FUT8: variants seen among roughly 807,000 people sequenced by gnomAD.
FUT8 encodes the protein fucosyltransferase 8.
A neutral mutation model predicts 71.3 loss-of-function variants in FUT8; 29 were observed. That is an observed-to-expected ratio of 0.41 (90% CI 0.30 to 0.55). The LOEUF is 0.55. Among genes scored for constraint, FUT8 ranks in the 20% least tolerant of loss-of-function variants. FUT8 has a pLI of 0.34. For synonymous variants in FUT8, 254 were observed against 239.3 expected (o/e 1.06, Z -0.57); for missense variants, 544 against 702.1 (o/e 0.77, Z 2.55).
At chr14:65,385,922 C>T in the FUT8 span, among the ~76,000 whole-genome samples, 6 of 151,746 alleles carry the variant, frequency 4.0e-5, no homozygotes, top group Non-Finnish European at 8.8e-5. Context: ...GAGGCCGAGG[C>T]GGGTAGATCA....
At chr14:65,471,483 G>A (rs2066145905) in intron 2 of FUT8, among the ~76,000 whole-genome samples, 1 of 152,004 alleles carries the variant, frequency 6.6e-6, no homozygotes, top group African/African-American at 2.4e-5. Context: ...TAGGGCTCCT[G>A]GAGGTAAAAC....
At chr14:65,406,597 A>G (rs1050083261), upstream of FUT8, among the ~76,000 whole-genome samples, 2 of 152,076 alleles carry the variant, frequency 1.3e-5, no homozygotes, top group South Asian at 2.1e-4. Flanking sequence ...GTGCAGTAGC[A>G]TAATCTCGGC....
intron 1 of FUT8, among the ~76,000 whole-genome samples, chr14:65,421,830 A>G (rs1387119470): frequency 2.1e-5 from 3 of 144,242 alleles, no homozygotes; most frequent in Non-Finnish European, 3.0e-5. Flanking sequence ...GTCATGCACA[A>G]CATCTGGACA....
chr14:65,628,651 TAAAAC>T (rs1379564223), intron 5 of FUT8, among the ~76,000 whole-genome samples: 2 of 152,250 alleles, frequency 1.3e-5, no homozygotes, highest in Non-Finnish European at 2.9e-5. Context: ...GCAATATAAA[TAAAAC>T]CATTTGTAGC....
chr14:65,545,081 A>G (rs893674557), intron 2 of FUT8, among the ~76,000 whole-genome samples: 2 of 151,774 alleles, frequency 1.3e-5, no homozygotes, highest in African/African-American at 4.8e-5. Flanking sequence ...GCTTTTACAT[A>G]AAGTAAAAGT....
chr14:65,512,921 A>AG (rs1555366749), intron 2 of FUT8, among the ~76,000 whole-genome samples: 1 of 151,504 alleles, frequency 6.6e-6, no homozygotes, highest in East Asian at 1.9e-4. Context: ...AAAAAAAAAA[A>AG]AAAAGAAAAA....
At chr14:65,456,774 G>A (rs1464781269) in intron 2 of FUT8, among the ~76,000 whole-genome samples, 2 of 151,546 alleles carry the variant, frequency 1.3e-5, no homozygotes, top group East Asian at 1.9e-4. Context: ...TTGGGAGGCC[G>A]AGGTAGGAGA....
chr14:65,439,350 G>A (rs1230252657), intron 1 of FUT8, among the ~76,000 whole-genome samples: 2 of 152,182 alleles, frequency 1.3e-5, no homozygotes, highest in East Asian at 3.8e-4. Context: ...CAGAAGTAGA[G>A]ATGGAGGGAA....
intron 7 of FUT8, among the ~76,000 whole-genome samples, chr14:65,715,844 C>T (rs1306177861): frequency 1.3e-5 from 2 of 152,064 alleles, no homozygotes; most frequent in East Asian, 3.9e-4. Flanking sequence ...AGTACAGTGG[C>T]ACATACCTTG....
At chr14:65,741,199 GA>G (rs1469131707) in intron 10 of FUT8, among the ~76,000 whole-genome samples, 3 of 151,864 alleles carry the variant, frequency 2.0e-5, no homozygotes, top group African/African-American at 7.3e-5. Flanking sequence ...AGTGAGCAGA[GA>G]GGGTATTCTT....
chr14:65,364,321 C>T, the FUT8 span, among the ~76,000 whole-genome samples: 4 of 151,984 alleles, frequency 2.6e-5, no homozygotes, highest in South Asian at 2.1e-4. Context: ...TCTCTTGTCT[C>T]GACTCCCAAG....
intron 7 of FUT8, among the ~76,000 whole-genome samples, chr14:65,687,716 C>T (rs1893364481): frequency 6.6e-6 from 1 of 151,016 alleles, no homozygotes; most frequent in Non-Finnish European, 1.5e-5. Context: ...ACCCCCTGCA[C>T]CAAGTGCCAG....
At chr14:65,617,070 A>G in intron 5 of FUT8, 2 of 1,583,650 alleles carry the variant, frequency 1.3e-6, no homozygotes, top group Non-Finnish European at 1.7e-6. Context: ...GTTATATTTA[A>G]AAGTCTATGT....
Position 65,669,662 on chromosome 14 carries a change from A to G in FUT8, c.835+182A>G, listed in dbSNP as rs1274079359. On this transcript the variant is annotated intron_variant, in intron 7 of 10. Coordinates refer to ENST00000673929, the MANE Select transcript of FUT8 (RefSeq NM_001371533.1). The surrounding 1 kb of genome is among the most constrained non-coding windows in gnomAD (Gnocchi z 4.5). The stretch of plus-strand genomic sequence containing the variant: ...TTATCTTAAAAGTATTTTATTATGT[A>G]TTTCATTTCTGATGCTCATTTTTAT... Among the ~76,000 whole-genome samples, 2 of 152,190 alleles carry G rather than the reference A, an allele frequency of 1.3e-5. No individual in the cohort carries two copies. Among genetic ancestry groups the G allele is most frequent in the Non-Finnish European group, 2.9e-5 (2 of 68,020 alleles).
At chr14:65,387,594 T>G in the FUT8 span, among the ~76,000 whole-genome samples, 1 of 152,212 alleles carries the variant, frequency 6.6e-6, no homozygotes, top group Non-Finnish European at 1.5e-5. Flanking sequence ...TGAGTGCCTG[T>G]AAATTCAGGA....
At chr14:65,598,794 A>G (rs1244363320) in intron 3 of FUT8, among the ~76,000 whole-genome samples, 3 of 152,020 alleles carry the variant, frequency 2.0e-5, no homozygotes, top group Admixed American at 6.6e-5. Context: ...TTCTTGGAAC[A>G]TATTTTTTTT....
chr14:65,489,392 C>G lies in FUT8; in HGVS notation c.-228+33674C>G, dbSNP rs2066452815. The stretch of plus-strand genomic sequence containing the variant: ...ATTAAATCTTAGGGAACCTGAAAGG[C>G]TTCTTTATTAGCCTTTTTTATTTCT... On this transcript the variant is annotated intron_variant, in intron 2 of 10. Coordinates refer to ENST00000673929, the MANE Select transcript of FUT8 (RefSeq NM_001371533.1). The surrounding 1 kb of genome is among the most constrained non-coding windows in gnomAD (Gnocchi z 4.0). Among the ~76,000 whole-genome samples the G allele has an allele frequency of 6.6e-6, 1 of 152,092 alleles. No individual in the cohort carries two copies. Among genetic ancestry groups the G allele is most frequent in the Non-Finnish European group, 1.5e-5 (1 of 67,978 alleles).
At chr14:65,362,474 G>C in the FUT8 span, among the ~76,000 whole-genome samples, 4 of 151,894 alleles carry the variant, frequency 2.6e-5, no homozygotes, top group African/African-American at 9.7e-5. Flanking sequence ...CCAGGAGTTC[G>C]AGGCCAGCCT....
At chr14:65,402,473 C>G in the FUT8 span, among the ~76,000 whole-genome samples, 16 of 151,766 alleles carry the variant, frequency 1.1e-4, no homozygotes. Flanking sequence ...TCGAGACCAT[C>G]TTGGCTAACA....
Sources: allele counts gnomAD v4.1 joint callset (sites outside exome capture counted in the v4.1 genomes callset), GRCh38; gene constraint gnomAD v4.1.1; non-coding constraint Gnocchi (gnomAD v3.1); transcripts MANE v1.5; gene names NCBI Gene and HGNC (gene_info 2026-07-23, HGNC 2026-07-21).